Variants in CD81 observed in about 807,000 individuals in gnomAD.
The protein encoded by CD81 is CD81 antigen.
A neutral mutation model predicts 30.1 loss-of-function variants in CD81; 10 were observed. The observed-to-expected ratio is 0.33, with a 90% CI of 0.21 to 0.56. The LOEUF (loss-of-function observed/expected upper bound fraction) is 0.56, where lower values mean the gene tolerates loss of function less well. Among genes scored for constraint, CD81 ranks in the 20% least tolerant of loss-of-function variants. The pLI is 0.89. For synonymous variants in CD81, 147 were observed against 126.4 expected (o/e 1.16, Z -1.10); for missense variants, 263 against 308.7 (o/e 0.85, Z 1.11).
intron 5 of CD81, 93 bp downstream of exon 5, chr11:2,395,613 T>C: frequency 1.9e-6 from 2 of 1,033,132 alleles, no homozygotes; most frequent in Non-Finnish European, 3.0e-6. Flanking sequence ...CGCCCAGACC[T>C]CAGGAGCAGG....
intron 1 of CD81, among the ~76,000 whole-genome samples, chr11:2,387,778 C>T (rs1291038237): frequency 2.0e-5 from 3 of 152,212 alleles, no homozygotes; most frequent in Non-Finnish European, 4.4e-5. Flanking sequence ...CTCTAATGCA[C>T]CTTCCACTCG....
chr11:2,382,262 AG>A (rs1353055595), intron 1 of CD81, among the ~76,000 whole-genome samples: 1 of 152,196 alleles, frequency 6.6e-6, no homozygotes, highest in Non-Finnish European at 1.5e-5. Context: ...GGGCTCAAGG[AG>A]TTGGCGGTAG....
rs1191102395 is a variant in CD81 at position 2,397,202 on chromosome 11, G to A, written c.*336G>A. On this transcript the variant is annotated 3_prime_UTR_variant, in exon 8 of 8. Coordinates refer to ENST00000263645, the MANE Select transcript of CD81 (RefSeq NM_004356.4). Reference sequence around the variant, plus strand: ...CCCAGAGACTCAGCTTGGCCAACTTGGGGGGCTGTGTCCACCCAGCCCGCC... The same window carrying A: ...CCCAGAGACTCAGCTTGGCCAACTTAGGGGGCTGTGTCCACCCAGCCCGCC... 1 of 424,588 alleles carries A rather than the reference G, an allele frequency of 2.4e-6. No homozygotes were observed. Among genetic ancestry groups the A allele is most frequent in the Admixed American group, 3.7e-5 (1 of 27,014 alleles). The allele number at this position is 424,588 out of a possible 1,614,324, so 26.3% of individuals were successfully genotyped here. A position where few individuals can be genotyped will look rare whatever the true frequency, so the allele number is the denominator to read the frequency against.
At chr11:2,393,789 C>T (rs892534059) in intron 2 of CD81, 8 of 613,010 alleles carry the variant, frequency 1.3e-5, no homozygotes, top group Middle Eastern at 4.1e-4. Flanking sequence ...TGGCAGGTGG[C>T]GGGCCCCACC....
At chr11:2,383,710 G>A (rs1383435751) in intron 1 of CD81, among the ~76,000 whole-genome samples, 1 of 152,220 alleles carries the variant, frequency 6.6e-6, no homozygotes, top group East Asian at 1.9e-4. Flanking sequence ...CATCAAGGGA[G>A]GGCCTGGACT....
At chr11:2,377,218 G>A (rs1849607763), upstream of CD81, 1 of 152,776 alleles carries the variant, frequency 6.5e-6, no homozygotes, top group African/African-American at 2.4e-5. The surrounding 1 kb of genome is among the most constrained non-coding windows in gnomAD (Gnocchi z 7.7). Context: ...AGGAGGCGGG[G>A]CCGGGGGCGG....
intron 5 of CD81, 167 bp from the exon 6 acceptor site, chr11:2,395,702 G>T: frequency 1.3e-6 from 1 of 750,690 alleles, no homozygotes; most frequent in Non-Finnish European, 2.3e-6. Context: ...GTGGCCCAGG[G>T]TGCGGAAAGC....
In CD81 at chr11:2,396,828, G is replaced by T; in HGVS notation, c.673G>T (p.Val225Leu). ...GATCTTCGAGATGATCCTGAGCATG[G>T]TGCTGTGCTGTGGCATCCGGAACAG... ...IMIFEMILSM[V>L]LCCGIRNSSV... The change falls in exon 8 of 8, where the codon GTG becomes TTG. Residue 225 changes from valine to leucine, a missense_variant. By Grantham distance (32) the Val-to-Leu change is conservative. Around this residue, in one of 3 missense-constraint regions of CD81, gnomAD observed 176 missense variants for 192.9 expected, o/e 0.91. Coordinates refer to ENST00000263645, the MANE Select transcript of CD81 (RefSeq NM_004356.4). 13 of 1,612,800 alleles carry T rather than the reference G, an allele frequency of 8.1e-6. No homozygotes were observed. The highest frequency in any genetic ancestry group is 1.0e-5 in the Non-Finnish European group (12 of 1,180,024).
intron 6 of CD81, 199 bp downstream of exon 6, chr11:2,396,169 C>T (rs549595563): frequency 8.5e-5 from 54 of 632,590 alleles, no homozygotes; most frequent in Non-Finnish European, 1.4e-4. Context: ...CCCTGTGCTG[C>T]GCATTCCGGG....
At chr11:2,396,097 C>A in intron 6 of CD81, 127 bp downstream of exon 6, 1 of 646,804 alleles carries the variant, frequency 1.5e-6, no homozygotes, top group Non-Finnish European at 2.8e-6. Flanking sequence ...TGGCCCCTGT[C>A]AGGGCTGCTC....
intron 4 of CD81, 172 bp from the exon 5 acceptor site, chr11:2,395,244 C>T: frequency 1.4e-6 from 1 of 730,004 alleles, no homozygotes; most frequent in South Asian, 1.6e-5. Context: ...CCTCCCGTGT[C>T]CCAGCACTCC....
At chr11:2,396,781 C>T (rs1323315165) in intron 7 of CD81, 23 bp from the exon 8 acceptor site, 31 of 1,612,138 alleles carry the variant, frequency 1.9e-5, no homozygotes, top group Non-Finnish European at 2.5e-5. Flanking sequence ...GTGCTGACTG[C>T]GCCCCCCACC....
intron 1 of CD81, among the ~76,000 whole-genome samples, chr11:2,379,726 G>A (rs1457536283): frequency 6.6e-6 from 1 of 152,048 alleles, no homozygotes; most frequent in Non-Finnish European, 1.5e-5. Context: ...TAAGGCTCAA[G>A]GAAATGTCTC....
intron 1 of CD81, among the ~76,000 whole-genome samples, chr11:2,388,566 C>T (rs1030175855): frequency 2.0e-5 from 3 of 152,216 alleles, no homozygotes; most frequent in Non-Finnish European, 2.9e-5. Flanking sequence ...GGCAGCCCTG[C>T]ATCTGTGGTG....
At chr11:2,383,020 C>T (rs950543215) in intron 1 of CD81, among the ~76,000 whole-genome samples, 1 of 152,206 alleles carries the variant, frequency 6.6e-6, no homozygotes, top group Non-Finnish European at 1.5e-5. Context: ...TGGGAGACAC[C>T]AGCATCCTCT....
Position 2,377,431 on chromosome 11 carries a change from G to T in CD81, c.-119G>T. The T allele has an allele frequency of 5.6e-6, 1 of 177,450 alleles. No individual in the cohort carries two copies. The highest frequency in any genetic ancestry group is 2.0e-4 in the East Asian group (1 of 4,908). 11.0% of individuals were successfully genotyped at this position (177,450 alleles called of 1,614,324 possible). ...CCCGCGCCCCCGCGCCCCTTTCTTCGCGCCCCCGCCCCTCGGCCCGCCAGG... is the reference window on the plus strand; with the variant it reads ...CCCGCGCCCCCGCGCCCCTTTCTTCTCGCCCCCGCCCCTCGGCCCGCCAGG... On this transcript the variant is annotated 5_prime_UTR_variant, in exon 1 of 8. Coordinates refer to ENST00000263645, the MANE Select transcript of CD81 (RefSeq NM_004356.4). This position sits in a 1 kb window ranked among gnomAD's most constrained non-coding sequence, Gnocchi z 7.7.
rs557904344 is a variant in CD81 at position 2,377,890 on chromosome 11, C to G, written c.66+275C>G. ...GCTTCTGGGGGCCGCCGGGCAGTTC[C>G]CGCTGTGGTGGTGATGGGTGCGGTG... On this transcript the variant is annotated intron_variant, in intron 1 of 7. Coordinates refer to ENST00000263645, the MANE Select transcript of CD81 (RefSeq NM_004356.4). This position sits in a 1 kb window ranked among gnomAD's most constrained non-coding sequence, Gnocchi z 7.7. 1.9e-3 allele frequency: 405 copies of G among 209,992 alleles called. 1 individual carries two copies. Among genetic ancestry groups the G allele is most frequent in the African/African-American group, 8.8e-3 (379 of 42,876 alleles). 13.0% of individuals were successfully genotyped at this position (209,992 alleles called of 1,614,324 possible). A position where few individuals can be genotyped will look rare whatever the true frequency, so the allele number is the denominator to read the frequency against.
At chr11:2,383,947 C>T (rs1376285301) in intron 1 of CD81, among the ~76,000 whole-genome samples, 6 of 152,196 alleles carry the variant, frequency 3.9e-5, no homozygotes, top group Admixed American at 1.3e-4. Context: ...CCTGGCTGTC[C>T]GGGGCCTGCG....
chr11:2,377,083 C>T (rs771776763), upstream of CD81, among the ~76,000 whole-genome samples: 24 of 152,246 alleles, frequency 1.6e-4, no homozygotes, highest in Non-Finnish European at 3.4e-4. The surrounding 1 kb of genome is among the most constrained non-coding windows in gnomAD (Gnocchi z 7.7). Flanking sequence ...CGGAGCGCGA[C>T]AGCAGCTTGG....
Sources: gnomAD v4.1 joint callset for allele counts (sites outside exome capture counted in the v4.1 genomes callset) on GRCh38, gnomAD v4.1.1 for gene constraint, gnomAD v4.1.1 regional missense constraint, Gnocchi (gnomAD v3.1) non-coding constraint, MANE v1.5 for transcripts, NCBI Gene and HGNC (gene_info 2026-07-23, HGNC 2026-07-21) for gene names.